JMJD1C: variants seen among roughly 807,000 people sequenced by gnomAD.
JMJD1C encodes jumonji domain-containing protein 1C.
Under a neutral mutation model 245.3 loss-of-function variants are expected in JMJD1C, and 31 were observed. The ratio of observed to expected loss-of-function variants is 0.13; its 90% CI spans 0.09 to 0.17. The LOEUF (loss-of-function observed/expected upper bound fraction) is 0.17. Among genes scored for constraint, JMJD1C ranks in the 10% least tolerant of loss-of-function variants. The pLI, the probability that JMJD1C is intolerant of heterozygous loss-of-function variation, is 1.00. For synonymous variants in JMJD1C, 1,057 were observed against 1,017.4 expected (o/e 1.04, Z -0.74); for missense variants, 2,691 against 3,000.2 (o/e 0.90, Z 2.41).
intron 3 of JMJD1C, among the ~76,000 whole-genome samples, chr10:63,240,621 G>A (rs1290491101): frequency 6.6e-6 from 1 of 152,170 alleles, no homozygotes; most frequent in Non-Finnish European, 1.5e-5. Flanking sequence ...AGCTATGAAG[G>A]AAAGGAGTAA....
At chr10:63,357,393 C>A (rs902759472) in intron 2 of JMJD1C, among the ~76,000 whole-genome samples, 13 of 152,180 alleles carry the variant, frequency 8.5e-5, no homozygotes, top group African/African-American at 1.2e-4. Context: ...GCAACCTACG[C>A]CTCCCAGGTT....
At chr10:63,418,948 G>A (rs191600092) in intron 1 of JMJD1C, among the ~76,000 whole-genome samples, 1 of 151,900 alleles carries the variant, frequency 6.6e-6, no homozygotes, top group East Asian at 1.9e-4. Flanking sequence ...ATGGTGGCAC[G>A]CGCCTGTAGC....
intron 1 of JMJD1C, among the ~76,000 whole-genome samples, chr10:63,408,508 T>A (rs1949301493): frequency 6.6e-6 from 1 of 151,990 alleles, no homozygotes; most frequent in African/African-American, 2.4e-5. Flanking sequence ...ATATAAAAGA[T>A]CAAAAACCAG....
intron 2 of JMJD1C, among the ~76,000 whole-genome samples, chr10:63,323,212 AAATT>A (rs1274857964): frequency 1.3e-5 from 2 of 152,298 alleles, no homozygotes; most frequent in Admixed American, 6.5e-5. Context: ...TGGCCACAAC[AAATT>A]AATTAAGCCT....
intron 1 of JMJD1C, among the ~76,000 whole-genome samples, chr10:63,479,655 A>G (rs1192191354): frequency 6.6e-6 from 1 of 152,172 alleles, no homozygotes; most frequent in African/African-American, 2.4e-5. Flanking sequence ...TTAATTTACT[A>G]TTCTATTCCC....
rs1426034054 is a variant in JMJD1C at position 63,465,922 on chromosome 10, G to A, written c.-260C>T. The A allele has an allele frequency of 6.6e-6, 4 of 602,546 alleles. No individual in the cohort carries two copies. Among genetic ancestry groups the A allele is most frequent in the African/African-American group, 3.7e-5 (2 of 54,712 alleles). 37.3% of individuals were successfully genotyped at this position (602,546 alleles called of 1,614,324 possible). A position where few individuals can be genotyped will look rare whatever the true frequency, so the allele number is the denominator to read the frequency against. On this transcript the variant is annotated 5_prime_UTR_variant, in exon 1 of 26. Coordinates refer to ENST00000399262, the MANE Select transcript of JMJD1C (RefSeq NM_032776.3). ...AGAAAACTGAAACAAAACCCAACGC[G>A]GCCGTCGAAGACCCCGAGGCAGCCC... is the stretch of plus-strand genomic sequence containing the variant.
intron 1 of JMJD1C, among the ~76,000 whole-genome samples, chr10:63,517,792 T>C (rs1432975083): frequency 1.0e-4 from 14 of 138,286 alleles, no homozygotes; most frequent in African/African-American, 3.5e-4. Context: ...GCCACTTTTT[T>C]TTTTTTTTTT....
intron 2 of JMJD1C, among the ~76,000 whole-genome samples, chr10:63,365,931 T>C (rs945038924): frequency 1.3e-5 from 2 of 152,200 alleles, no homozygotes; most frequent in Admixed American, 6.5e-5. Flanking sequence ...TTTGTTCGTC[T>C]GGGGGCTTTG....
intron 1 of JMJD1C, among the ~76,000 whole-genome samples, chr10:63,452,279 A>C (rs912210801): frequency 6.6e-6 from 1 of 152,166 alleles, no homozygotes; most frequent in Non-Finnish European, 1.5e-5. Context: ...AAACTGGGTG[A>C]ACAACTTAAA....
intron 2 of JMJD1C, among the ~76,000 whole-genome samples, chr10:63,305,884 A>G (rs1353867552): frequency 6.6e-6 from 1 of 151,138 alleles, no homozygotes; most frequent in Non-Finnish European, 1.5e-5. Flanking sequence ...AGGCATGTGC[A>G]AACTAATTTT....
At chr10:63,349,100 CAAAAAAA>C (rs71463516) in intron 2 of JMJD1C, among the ~76,000 whole-genome samples, 103 of 34,870 alleles carry the variant, frequency 3.0e-3, no homozygotes, top group Middle Eastern at 0.024. Context: ...GACTCTGTCT[CAAAAAAA>C]AAAAAAAAAA....
chr10:63,261,604 A>T (rs1269279285), intron 3 of JMJD1C, among the ~76,000 whole-genome samples: 1 of 152,176 alleles, frequency 6.6e-6, no homozygotes, highest in Non-Finnish European at 1.5e-5. Flanking sequence ...GACCAGGTTA[A>T]CTAACTTAAT....
At chr10:63,320,808 T>C (rs1940757763) in intron 2 of JMJD1C, among the ~76,000 whole-genome samples, 1 of 152,124 alleles carries the variant, frequency 6.6e-6, no homozygotes, top group Admixed American at 6.5e-5. Context: ...AGGAATTTCC[T>C]AGGTGACAGA....
At chr10:63,269,004 T>C (rs1438859743) in intron 2 of JMJD1C, 1 of 985,314 alleles carries the variant, frequency 1.0e-6, no homozygotes, top group African/African-American at 1.7e-5. Flanking sequence ...ATCAGCACTG[T>C]GGTGTTAACG....
intron 2 of JMJD1C, among the ~76,000 whole-genome samples, chr10:63,323,776 AAT>A (rs2134124200): frequency 6.6e-6 from 1 of 152,326 alleles, no homozygotes; most frequent in East Asian, 1.9e-4. Flanking sequence ...AAACAGGACC[AAT>A]AGAGTGTGAG....
chr10:63,216,488 A>C (rs1478360829), intron 5 of JMJD1C, among the ~76,000 whole-genome samples: 17 of 152,124 alleles, frequency 1.1e-4, no homozygotes, highest in Admixed American at 1.1e-3. Context: ...AGGTGGGCAG[A>C]TCACGAGGTC....
At chr10:63,481,245 G>A (rs1169746714) in intron 1 of JMJD1C, among the ~76,000 whole-genome samples, 1 of 152,098 alleles carries the variant, frequency 6.6e-6, no homozygotes, top group Non-Finnish European at 1.5e-5. Flanking sequence ...TTAAACTTTA[G>A]ATAAAATTTT....
chr10:63,230,774 C>A (rs191837826), intron 3 of JMJD1C, among the ~76,000 whole-genome samples: 2 of 150,910 alleles, frequency 1.3e-5, no homozygotes, highest in African/African-American at 4.8e-5. Context: ...GACTGTCCCC[C>A]CCCCCAAAAA....
chr10:63,304,609 G>C (rs969125486), intron 2 of JMJD1C, among the ~76,000 whole-genome samples: 15 of 152,312 alleles, frequency 9.8e-5, no homozygotes, highest in African/African-American at 3.4e-4. Flanking sequence ...AACTTTTAAT[G>C]TTGGTAGAAT....
Sources: gnomAD v4.1 joint callset for allele counts (sites outside exome capture counted in the v4.1 genomes callset) on GRCh38, gnomAD v4.1.1 for gene constraint, MANE v1.5 for transcripts, NCBI Gene and HGNC (gene_info 2026-07-23, HGNC 2026-07-21) for gene names.